The following SLC66A1 variants were observed in gnomAD, a reference collection of about 807,000 sequenced individuals.
The protein encoded by SLC66A1 is solute carrier family 66 member 1, also known as lysosomal amino acid transporter 1 homolog.
SLC66A1 carries 23 observed loss-of-function variants against 33.0 expected under a neutral mutation model. The ratio of observed to expected loss-of-function variants is 0.70; its 90% confidence interval spans 0.50 to 0.99. The LOEUF (loss-of-function observed/expected upper bound fraction) is 0.99. SLC66A1 is among the 50% of genes least tolerant of loss of function. The pLI is 0.00. For missense variants in SLC66A1, 335 were observed against 383.6 expected (o/e 0.87, Z 1.06); for synonymous variants, 164 against 175.5 (o/e 0.93, Z 0.52).
In SLC66A1 at chr1:19,328,464, G is replaced by C. The variant is rs535713337; in HGVS notation, c.805-108G>C. ...GGCTGGCCCTTCCCACCTGCAGCGT[G>C]GGGGTGGGAGGGAGGGGAGAGGGAG... On this transcript the variant is annotated intron_variant, in intron 7 of 7. Coordinates refer to ENST00000375153, the MANE Select transcript of SLC66A1 (RefSeq NM_001040125.2). The surrounding 1 kb of genome is among the most constrained non-coding windows in gnomAD (Gnocchi z 4.7). 2 of 1,015,066 alleles carry C rather than the reference G, an allele frequency of 2.0e-6. No homozygotes were observed. The allele number at this position is 1,015,066 out of a possible 1,614,324, so 62.9% of individuals were successfully genotyped here.
chr1:19,313,047 C>A, intron 1 of SLC66A1, 158 bp downstream of exon 1: 1 of 201,400 alleles, frequency 5.0e-6, no homozygotes. Flanking sequence ...TCATTTTGGG[C>A]TGTTGGTGTT....
downstream of SLC66A1, among the ~76,000 whole-genome samples, chr1:19,329,839 G>A (rs1284876421): frequency 6.6e-6 from 1 of 152,152 alleles, no homozygotes; most frequent in Non-Finnish European, 1.5e-5. Flanking sequence ...AGAAGGATGA[G>A]CGGGAGATAT....
chr1:19,317,915 G>A (rs939845041), intron 2 of SLC66A1, 74 bp downstream of exon 2: 20 of 1,556,878 alleles, frequency 1.3e-5, no homozygotes, highest in South Asian at 3.6e-5. Context: ...ACTGCTCAGC[G>A]AGGGGTTGTC....
chr1:19,320,412 C>CTTTTTTTTTTT (rs34520375), intron 2 of SLC66A1, among the ~76,000 whole-genome samples: 1 of 98,630 alleles, frequency 1.0e-5, no homozygotes, highest in African/African-American at 4.2e-5. Flanking sequence ...GGTGGCCTGT[C>CTTTTTTTTTTT]TTTTTTTTTT....
Position 19,327,644 on chromosome 1 carries a change from G to T in SLC66A1, c.804+232G>T, listed in dbSNP as rs371147294. 36 of 706,526 alleles carry T rather than the reference G, an allele frequency of 5.1e-5. No homozygotes were observed. In the African/African-American group the frequency reaches 5.5e-4, roughly 11 times the overall value. 43.8% of individuals were successfully genotyped at this position (706,526 alleles called of 1,614,324 possible). ...TGAGTGAGCAAGAACAGCCATGAGT[G>T]CCCCAGAAGCTTACAGCCCAGCGGG... On this transcript the variant is annotated intron_variant, in intron 7 of 7. Transcript: ENST00000375153.
At chr1:19,332,492 G>A (rs781098584), downstream of SLC66A1, among the ~76,000 whole-genome samples, 11 of 152,196 alleles carry the variant, frequency 7.2e-5, no homozygotes, top group Non-Finnish European at 1.3e-4. Context: ...GGCCAAGGCC[G>A]GGTGCAGTGG....
chr1:19,329,894 G>T (rs1022328912), downstream of SLC66A1, among the ~76,000 whole-genome samples: 1 of 152,120 alleles, frequency 6.6e-6, no homozygotes, highest in Non-Finnish European at 1.5e-5. Flanking sequence ...AGAAGTGGCG[G>T]GTACAGGAGC....
chr1:19,334,297 C>T (rs2093899172), downstream of SLC66A1, among the ~76,000 whole-genome samples: 1 of 152,130 alleles, frequency 6.6e-6, no homozygotes. Flanking sequence ...CCAACAACCA[C>T]AGAACTACAG....
intron 1 of SLC66A1, among the ~76,000 whole-genome samples, chr1:19,315,880 G>A (rs1320414176): frequency 6.6e-6 from 1 of 152,146 alleles, no homozygotes; most frequent in Admixed American, 6.5e-5. Context: ...GCTGGGTGGC[G>A]CTGGCACATC....
Position 19,312,856 on chromosome 1 carries a change from G to C in SLC66A1, c.-112G>C, listed in dbSNP as rs1244389400. ...TCTCCCCAGGTCTGCAGGGACCGAG[G>C]GCCTACACTGCCTCCTCCCACGCCG... On this transcript the variant is annotated 5_prime_UTR_variant, in exon 1 of 8. Coordinates refer to ENST00000375153, the MANE Select transcript of SLC66A1 (RefSeq NM_001040125.2). 1 of 152,842 alleles carries C rather than the reference G, an allele frequency of 6.5e-6. No individual in the cohort carries two copies. The highest frequency in any genetic ancestry group is 1.5e-5 in the Non-Finnish European group (1 of 68,160). The allele number at this position is 152,842 out of a possible 1,614,324, so 9.5% of individuals were successfully genotyped here.
intron 2 of SLC66A1, among the ~76,000 whole-genome samples, chr1:19,320,515 G>A (rs180990357): frequency 6.0e-4 from 89 of 147,500 alleles, no homozygotes; most frequent in Non-Finnish European, 1.1e-3. Context: ...CCGGGTTCAC[G>A]CCATTCTCCT....
intron 2 of SLC66A1, among the ~76,000 whole-genome samples, chr1:19,320,412 CTTTTTTTTTTTT>C (rs34520375): frequency 2.0e-5 from 2 of 98,630 alleles, no homozygotes; most frequent in Admixed American, 2.4e-4. Context: ...GGTGGCCTGT[CTTTTTTTTTTTT>C]TTTTTTTTTT....
chr1:19,326,696 A>ACTCCTTAGCCC, intron 6 of SLC66A1, 73 bp downstream of exon 6: 1 of 1,475,642 alleles, frequency 6.8e-7, no homozygotes, highest in Non-Finnish European at 9.5e-7. Flanking sequence ...CCTCTGGGCT[A>ACTCCTTAGCCC]AGGAGTAGCA....
At chr1:19,330,509 A>G (rs183484569), downstream of SLC66A1, among the ~76,000 whole-genome samples, 79 of 152,140 alleles carry the variant, frequency 5.2e-4, no homozygotes, top group African/African-American at 1.9e-3. Flanking sequence ...CCATGACCAG[A>G]AGGTAGAAAT....
chr1:19,327,306 G>T lies in SLC66A1; in HGVS notation c.698G>T (p.Ser233Ile), dbSNP rs1048032411. 19 of 1,613,784 alleles carry T rather than the reference G, an allele frequency of 1.2e-5. No individual in the cohort carries two copies. The highest frequency in any genetic ancestry group is 1.6e-5 in the Non-Finnish European group (19 of 1,179,880). The change falls in exon 7 of 8, where the codon AGC becomes ATC. Residue 233 changes from serine to isoleucine, a missense_variant. Ser to Ile is a moderately radical substitution (Grantham distance 142). Transcript: ENST00000375153. The stretch of plus-strand genomic sequence containing the variant: ...CTGGGGAACACGCTGTATGGGCTGA[G>T]CGTGCTGCTCAAAAACCCCGAGGAG... The part of the protein sequence containing the change: ...VMLGNTLYGL[S>I]VLLKNPEEGQ...
intron 4 of SLC66A1, 63 bp downstream of exon 4, chr1:19,325,645 G>GA: frequency 7.7e-7 from 1 of 1,291,854 alleles, no homozygotes; most frequent in Non-Finnish European, 1.1e-6. Context: ...TTGTGGGGGG[G>GA]GGCGCCTGGA....
chr1:19,319,545 T>C (rs1213763101), intron 2 of SLC66A1, among the ~76,000 whole-genome samples: 1 of 151,906 alleles, frequency 6.6e-6, no homozygotes, highest in Non-Finnish European at 1.5e-5. Context: ...CATCCATTGA[T>C]GGACATTGGG....
At chr1:19,325,639 G>A (rs567080392) in intron 4 of SLC66A1, 57 bp downstream of exon 4, 15 of 1,087,760 alleles carry the variant, frequency 1.4e-5, no homozygotes, top group East Asian at 5.1e-5. Context: ...GGGCAGTTGT[G>A]GGGGGGGGCG....
downstream of SLC66A1, among the ~76,000 whole-genome samples, chr1:19,332,641 A>G (rs983596229): frequency 6.6e-6 from 1 of 152,162 alleles, no homozygotes; most frequent in Non-Finnish European, 1.5e-5. Context: ...GGCGAATCTC[A>G]TCGATGGGAT....
Sources: allele counts gnomAD v4.1 joint callset (sites outside exome capture counted in the v4.1 genomes callset), GRCh38; gene constraint gnomAD v4.1.1; non-coding constraint Gnocchi (gnomAD v3.1); transcripts MANE v1.5; gene names NCBI Gene and HGNC (gene_info 2026-07-23, HGNC 2026-07-21).